Variants in KIAA1217 observed in about 807,000 individuals in gnomAD.
KIAA1217 encodes the protein KIAA1217, also known as sickle tail protein homolog.
Under a neutral mutation model 163.9 loss-of-function variants are expected in KIAA1217, and 88 were observed. The observed-to-expected ratio is 0.54, with a 90% CI of 0.45 to 0.64. The LOEUF is 0.64. Among genes scored for constraint, KIAA1217 ranks in the 30% least tolerant of loss-of-function variants. The probability of loss-of-function intolerance (pLI) is 0.00; values close to 1 mark genes in which losing one functional copy is unlikely to be tolerated. For missense variants in KIAA1217, 2,372 were observed against 2,475.0 expected, an observed-to-expected ratio of 0.96 and a Z score of 0.88; for synonymous variants, 903 against 923.1, an observed-to-expected ratio of 0.98 and a Z score of 0.39.
intron 2 of KIAA1217, among the ~76,000 whole-genome samples, chr10:24,051,201 A>C (rs899565981): frequency 6.6e-5 from 10 of 152,320 alleles, no homozygotes; most frequent in African/African-American, 2.2e-4. Flanking sequence ...GAGTTACTTC[A>C]CTTAAAATAA....
chr10:23,813,090 T>C (rs987671909), intron 1 of KIAA1217, among the ~76,000 whole-genome samples: 1 of 152,196 alleles, frequency 6.6e-6, no homozygotes, highest in Non-Finnish European at 1.5e-5. Flanking sequence ...CTACATTCTC[T>C]GTAGTACTTG....
At chr10:24,393,116 A>G (rs1461271747) in intron 3 of KIAA1217, among the ~76,000 whole-genome samples, 1 of 152,184 alleles carries the variant, frequency 6.6e-6, no homozygotes, top group African/African-American at 2.4e-5. Flanking sequence ...GTTTTATGGC[A>G]TACACCCAAG....
intron 2 of KIAA1217, among the ~76,000 whole-genome samples, chr10:24,312,492 G>A (rs2133067168): frequency 6.6e-6 from 1 of 152,238 alleles, no homozygotes; most frequent in Admixed American, 6.5e-5. Flanking sequence ...GGTGGCGCAT[G>A]CCTGTAATCC....
chr10:24,536,735 C>G lies in KIAA1217; in HGVS notation c.3415-39C>G, dbSNP rs78670814. On this transcript the variant is annotated intron_variant, in intron 16 of 20. Transcript: ENST00000376454. ...TGTTTCCCTCCATTCTCCTCAGTAC[C>G]CTTGGATCCCTGTTAACCTCAGTAT... 494 of 1,606,468 alleles carry G rather than the reference C, an allele frequency of 3.1e-4. 2 individuals carry two copies. In the African/African-American group the frequency reaches 5.6e-3, roughly 18 times the overall value.
At chr10:23,897,406 C>T (rs548166553) in intron 1 of KIAA1217, among the ~76,000 whole-genome samples, 1 of 152,232 alleles carries the variant, frequency 6.6e-6, no homozygotes, top group South Asian at 2.1e-4. Context: ...CCCTGTCTCT[C>T]TGCTCTTGGC....
chr10:23,743,148 G>A (rs1588702193), intron 1 of KIAA1217, among the ~76,000 whole-genome samples: 1 of 151,894 alleles, frequency 6.6e-6, no homozygotes, highest in South Asian at 2.1e-4. Context: ...TTTATGGTAC[G>A]TTTGAATGTG....
intron 1 of KIAA1217, among the ~76,000 whole-genome samples, chr10:23,781,045 G>A (rs1414466725): frequency 6.6e-6 from 1 of 152,108 alleles, no homozygotes; most frequent in East Asian, 1.9e-4. Flanking sequence ...CTTGGCCGTT[G>A]TTGAGTAATG....
At chr10:24,093,079 G>C (rs149834717) in intron 2 of KIAA1217, among the ~76,000 whole-genome samples, 3,579 of 151,552 alleles carry the variant, frequency 0.024, 69 homozygotes, top group Middle Eastern at 0.071. Context: ...CTGCAGCTTC[G>C]ACTTCCCAGG....
intron 1 of KIAA1217, among the ~76,000 whole-genome samples, chr10:23,951,993 A>G (rs1167687283): frequency 3.9e-5 from 6 of 152,204 alleles, no homozygotes; most frequent in Non-Finnish European, 7.3e-5. Context: ...TAAGATGTAC[A>G]TTTAATCAGT....
In KIAA1217 at chr10:23,961,381, G is replaced by A. The variant is rs752366121; in HGVS notation, c.-320-45844G>A. ...AAGCCATTGGCCAACAGTGCCATGC[G>A]TGGGGAGCAGGTTGAAGCAGAGACC... On this transcript the variant is annotated intron_variant, in intron 1 of 18. Coordinates refer to the KIAA1217 transcript ENST00000376462. Among the ~76,000 whole-genome samples, 11 of 152,282 alleles carry A rather than the reference G, an allele frequency of 7.2e-5. No individual in the cohort carries two copies. The South Asian group carries it at 1.0e-3, about 14-fold the overall frequency.
chr10:24,520,179 T>C lies in KIAA1217; in HGVS notation c.2234T>C (p.Leu745Ser), dbSNP rs574302971. Residue 745 changes from leucine (L) to serine (S), a missense_variant, in exon 11 of 21, where the codon TTG (leucine) becomes TCG (serine). By Grantham distance (145) the Leu-to-Ser change is moderately radical. Around this residue, in one of 3 missense-constraint regions of KIAA1217, gnomAD observed 1,431 missense variants for 1,470.3 expected, o/e 0.97. Coordinates refer to ENST00000376454, the MANE Select transcript of KIAA1217 (RefSeq NM_019590.5). ...LKKDSTAASRLVTLKDVEDGA... is the reference protein window; with the variant it reads ...LKKDSTAASRSVTLKDVEDGA... Reference sequence around the variant, plus strand: ...AAGGACTCCACGGCAGCCAGCCGATTGGTTACTCTGAAAGACGTGGAAGAC... The same window carrying C: ...AAGGACTCCACGGCAGCCAGCCGATCGGTTACTCTGAAAGACGTGGAAGAC... 1.2e-6 allele frequency: 2 copies of C among 1,614,120 alleles called. No homozygotes were observed. The highest frequency in any genetic ancestry group is 2.2e-5 in the South Asian group (2 of 91,068).
intron 2 of KIAA1217, among the ~76,000 whole-genome samples, chr10:24,167,073 T>C (rs907906599): frequency 6.6e-6 from 1 of 152,058 alleles, no homozygotes; most frequent in African/African-American, 2.4e-5. Context: ...AAAATATATT[T>C]CCTGAATGAT....
At chr10:23,837,775 A>G (rs748972610) in intron 1 of KIAA1217, among the ~76,000 whole-genome samples, 2 of 152,200 alleles carry the variant, frequency 1.3e-5, no homozygotes, top group South Asian at 4.2e-4. Context: ...TCCTGGGCTC[A>G]ATTGATCCAC....
intron 2 of KIAA1217, among the ~76,000 whole-genome samples, chr10:24,029,109 G>C (rs1432372966): frequency 6.6e-6 from 1 of 151,982 alleles, no homozygotes; most frequent in Admixed American, 6.6e-5. Context: ...GCCCATAAGT[G>C]GATAAATTTT....
chr10:24,492,988 G>C (rs1447979867), intron 6 of KIAA1217, among the ~76,000 whole-genome samples: 4 of 152,030 alleles, frequency 2.6e-5, no homozygotes, highest in African/African-American at 9.7e-5. Context: ...TGGGATTACA[G>C]GCATGCACAA....
At chr10:23,854,561 G>T (rs1168768274) in intron 1 of KIAA1217, among the ~76,000 whole-genome samples, 2 of 151,926 alleles carry the variant, frequency 1.3e-5, no homozygotes, top group Non-Finnish European at 2.9e-5. Context: ...TCAATTCCTG[G>T]GTATCCTTGT....
intron 2 of KIAA1217, among the ~76,000 whole-genome samples, chr10:24,164,902 C>A (rs1476220384): frequency 1.3e-5 from 2 of 152,154 alleles, no homozygotes; most frequent in African/African-American, 4.8e-5. Context: ...ACAGGGGATA[C>A]TCTCCCCTGG....
At chr10:24,311,109 C>A (rs1391823128) in intron 2 of KIAA1217, among the ~76,000 whole-genome samples, 1 of 152,114 alleles carries the variant, frequency 6.6e-6, no homozygotes, top group Non-Finnish European at 1.5e-5. Context: ...TGCTGTTTTC[C>A]CCAATGCCAG....
intron 1 of KIAA1217, among the ~76,000 whole-genome samples, chr10:23,836,773 A>T (rs1451673857): frequency 6.6e-6 from 1 of 151,888 alleles, no homozygotes; most frequent in Non-Finnish European, 1.5e-5. Flanking sequence ...AAAAAATAAA[A>T]AAAAAAATTA....
Sources: allele counts gnomAD v4.1 joint callset (sites outside exome capture counted in the v4.1 genomes callset), GRCh38; gene constraint gnomAD v4.1.1; regional missense constraint gnomAD v4.1.1; transcripts MANE v1.5; gene names NCBI Gene and HGNC (gene_info 2026-07-23, HGNC 2026-07-21).